LEKR1: variants seen among roughly 807,000 people sequenced by gnomAD.
The protein encoded by LEKR1 is protein LEKR1.
Under a neutral mutation model 72.4 loss-of-function variants are expected in LEKR1, and 59 were observed. The ratio of observed to expected loss-of-function variants is 0.82; its 90% confidence interval spans 0.66 to 1.01. LEKR1 has a LOEUF of 1.01. Ranked by LOEUF, LEKR1 falls within the 50% of genes least tolerant of loss-of-function variation. The pLI, the probability that LEKR1 is intolerant of heterozygous loss-of-function variation, is 0.00. For synonymous variants in LEKR1, 257 were observed against 263.2 expected (o/e 0.98, Z 0.23); for missense variants, 728 against 759.2 (o/e 0.96, Z 0.48).
At position 156,930,078 on chromosome 3, in the gene LEKR1, T is replaced by C. The variant is rs564890087; in HGVS notation, c.559+2474T>C. On this transcript the variant is annotated intron_variant, in intron 5 of 12. Coordinates refer to ENST00000356539, the MANE Select transcript of LEKR1 (RefSeq NM_001004316.3). ...GCATTTCACAGCTTTTCCAGTTAAA[T>C]TGGAGCACTGAATGTTCAGATGCAT... is the stretch of plus-strand genomic sequence containing the variant. Among the ~76,000 whole-genome samples the C allele has an allele frequency of 7.9e-5, 12 of 152,276 alleles. No homozygotes were observed. In the South Asian group the frequency reaches 1.9e-3, roughly 24 times the overall value.
chr3:156,938,353 A>C (rs1444452296), intron 5 of LEKR1, among the ~76,000 whole-genome samples: 1 of 152,132 alleles, frequency 6.6e-6, no homozygotes, highest in Non-Finnish European at 1.5e-5. Context: ...TTATTTCAAA[A>C]TAAAAAGTTT....
intron 3 of LEKR1, among the ~76,000 whole-genome samples, chr3:156,918,863 T>G (rs1723910451): frequency 6.6e-6 from 1 of 152,054 alleles, no homozygotes. Context: ...ATTGTTACAG[T>G]TTGGATGTGG....
chr3:156,994,256 G>A (rs55712977), intron 9 of LEKR1, among the ~76,000 whole-genome samples: 2 of 152,038 alleles, frequency 1.3e-5, no homozygotes, highest in East Asian at 1.9e-4. Context: ...GGGGACCAGG[G>A]TAGTGGGTAG....
At chr3:156,965,310 A>G (rs909443907) in intron 6 of LEKR1, among the ~76,000 whole-genome samples, 3 of 152,188 alleles carry the variant, frequency 2.0e-5, no homozygotes, top group African/African-American at 7.2e-5. Context: ...AATTACAATT[A>G]TCTTCATGTT....
At chr3:157,031,368 C>T (rs1361553054) in intron 12 of LEKR1, among the ~76,000 whole-genome samples, 2 of 151,962 alleles carry the variant, frequency 1.3e-5, no homozygotes, top group African/African-American at 2.4e-5. Context: ...GTAAAGAAAA[C>T]CAATTAAGGG....
intron 6 of LEKR1, among the ~76,000 whole-genome samples, chr3:156,975,758 G>A (rs1319231701): frequency 6.6e-6 from 1 of 152,060 alleles, no homozygotes; most frequent in African/African-American, 2.4e-5. Flanking sequence ...TTTAATATCT[G>A]CAAAGAACAC....
intron 3 of LEKR1, among the ~76,000 whole-genome samples, chr3:156,899,611 CACACATATAT>C (rs1366504955): frequency 2.4e-5 from 3 of 123,700 alleles, no homozygotes; most frequent in East Asian, 2.3e-4. Flanking sequence ...CGTATATATA[CACACATATAT>C]ACACATATAT....
intron 12 of LEKR1, among the ~76,000 whole-genome samples, chr3:157,029,560 T>C (rs897267413): frequency 2.0e-5 from 3 of 152,146 alleles, no homozygotes; most frequent in Non-Finnish European, 4.4e-5. Context: ...GCAGTTATAA[T>C]CTCCAGGGAC....
chr3:156,920,437 C>T, intron 3 of LEKR1, 138 bp from the exon 4 acceptor site: 1 of 534,704 alleles, frequency 1.9e-6, no homozygotes. Flanking sequence ...CATATTTTTT[C>T]TGTACATTCA....
chr3:157,038,786 G>A (rs1735143131), intron 12 of LEKR1, among the ~76,000 whole-genome samples: 1 of 152,228 alleles, frequency 6.6e-6, no homozygotes, highest in South Asian at 2.1e-4. Context: ...AGTAAGTACA[G>A]TATGTCCTCA....
intron 3 of LEKR1, among the ~76,000 whole-genome samples, chr3:156,884,223 T>C (rs1181379616): frequency 1.3e-5 from 2 of 152,198 alleles, no homozygotes; most frequent in Non-Finnish European, 2.9e-5. Context: ...TTTTCATCCA[T>C]TCTGCTGTTC....
chr3:156,916,842 A>G (rs1723702391), intron 3 of LEKR1, among the ~76,000 whole-genome samples: 1 of 152,126 alleles, frequency 6.6e-6, no homozygotes, highest in African/African-American at 2.4e-5. Context: ...CTTGTTTTCA[A>G]GAGGAATGCT....
chr3:157,027,591 G>A (rs963559366), intron 11 of LEKR1, among the ~76,000 whole-genome samples: 7 of 152,114 alleles, frequency 4.6e-5, no homozygotes, highest in African/African-American at 1.7e-4. Context: ...TGAGGCAGGA[G>A]GATTGCTTGA....
At chr3:156,894,530 A>G (rs1214511481) in intron 3 of LEKR1, among the ~76,000 whole-genome samples, 2 of 152,212 alleles carry the variant, frequency 1.3e-5, no homozygotes, top group African/African-American at 2.4e-5. Context: ...TCATAGAATT[A>G]GAAAAAACTA....
intron 7 of LEKR1, among the ~76,000 whole-genome samples, chr3:156,985,815 C>G (rs1287380650): frequency 1.4e-5 from 2 of 147,502 alleles, no homozygotes; most frequent in African/African-American, 2.5e-5. Context: ...TGCACTCCAG[C>G]CTGGGCAGCA....
rs556215100 is a variant in LEKR1, at chr3:156,849,108, C to G, written c.49-3660C>G. Among the ~76,000 whole-genome samples, 5 of 152,122 alleles carry G rather than the reference C, an allele frequency of 3.3e-5. No individual in the cohort carries two copies. The South Asian group carries it at 1.0e-3, about 32-fold the overall frequency. On this transcript the variant is annotated intron_variant, in intron 2 of 12. Coordinates refer to ENST00000356539, the MANE Select transcript of LEKR1 (RefSeq NM_001004316.3). ...AAAAATCACAAGCATTCTTATACAC[C>G]AATAACAGACAAACAGAGAGCCAAA...
At chr3:156,904,184 G>A (rs1240096608) in intron 3 of LEKR1, among the ~76,000 whole-genome samples, 1 of 152,074 alleles carries the variant, frequency 6.6e-6, no homozygotes, top group Non-Finnish European at 1.5e-5. Flanking sequence ...AAACATTCTT[G>A]CACTAAAGAA....
At chr3:156,982,884 TAG>T (rs1730345859) in intron 7 of LEKR1, among the ~76,000 whole-genome samples, 2 of 150,640 alleles carry the variant, frequency 1.3e-5, no homozygotes, top group African/African-American at 4.9e-5. Context: ...GATAGATAGA[TAG>T]ATAGATAGAT....
At chr3:156,970,836 A>G (rs940053009) in intron 6 of LEKR1, among the ~76,000 whole-genome samples, 3 of 152,250 alleles carry the variant, frequency 2.0e-5, no homozygotes, top group Admixed American at 1.3e-4. Flanking sequence ...AAGGAAATAA[A>G]AGAGGATACA....
Sources: allele counts gnomAD v4.1 joint callset (sites outside exome capture counted in the v4.1 genomes callset), GRCh38; gene constraint gnomAD v4.1.1; transcripts MANE v1.5; gene names NCBI Gene and HGNC (gene_info 2026-07-23, HGNC 2026-07-21).